The following ATP8A2 variants were observed in gnomAD, a reference collection of about 807,000 sequenced individuals.
ATP8A2 encodes phospholipid-transporting ATPase IB.
A neutral mutation model predicts 165.6 loss-of-function variants in ATP8A2; 100 were observed. The ratio of observed to expected loss-of-function variants is 0.60; its 90% CI spans 0.51 to 0.71. ATP8A2 has a LOEUF of 0.71. ATP8A2 is among the 30% of genes least tolerant of loss of function. ATP8A2 has a pLI of 0.00. For synonymous variants in ATP8A2, 543 were observed against 548.8 expected (o/e 0.99, Z 0.15); for missense variants, 1,227 against 1,479.5 (o/e 0.83, Z 2.80).
chr13:25,510,511 C>T (rs1324658049), intron 2 of ATP8A2, among the ~76,000 whole-genome samples: 3 of 152,202 alleles, frequency 2.0e-5, no homozygotes, highest in African/African-American at 7.2e-5. Flanking sequence ...GGTAAAGACT[C>T]CTGTGCTGAA....
intron 25 of ATP8A2, among the ~76,000 whole-genome samples, chr13:25,763,710 G>A (rs1362371106): frequency 6.6e-6 from 1 of 152,172 alleles, no homozygotes; most frequent in Non-Finnish European, 1.5e-5. Flanking sequence ...TCTGGGCCAT[G>A]AGATTAAGTT....
intron 1 of ATP8A2, among the ~76,000 whole-genome samples, chr13:25,424,234 A>G (rs74042953): frequency 0.013 from 1,992 of 152,298 alleles, 47 homozygotes; most frequent in African/African-American, 0.045. Context: ...TGTTATAAAT[A>G]TGTGTTGACC....
Position 25,577,066 on chromosome 13 carries a change from C to T in ATP8A2, c.1713-3C>T, listed in dbSNP as rs144075195. On this transcript the variant is annotated splice_region_variant and splice_polypyrimidine_tract_variant and intron_variant, in intron 19 of 36. Coordinates refer to ENST00000381655, the MANE Select transcript of ATP8A2 (RefSeq NM_016529.6). The stretch of plus-strand genomic sequence containing the variant: ...GATGACTTTTTTTTTTTCACTCTCC[C>T]AGTGACAGAAAAAGAATGTCTGTAA... 2.7e-4 allele frequency: 428 copies of T among 1,612,692 alleles called. 1 individual carries two copies. The African/African-American group carries it at 5.5e-3, about 21-fold the overall frequency.
At chr13:25,399,923 T>C (rs1262358765) in intron 1 of ATP8A2, among the ~76,000 whole-genome samples, 3 of 8,698 alleles carry the variant, frequency 3.4e-4, no homozygotes, top group Non-Finnish European at 1.1e-3. Context: ...TTTTTCTTCT[T>C]CCTTTTCTCC....
chr13:25,700,950 T>C (rs1042911785), intron 25 of ATP8A2, among the ~76,000 whole-genome samples: 31 of 152,218 alleles, frequency 2.0e-4, no homozygotes, highest in African/African-American at 7.2e-5. Context: ...TGATTAATGA[T>C]GTTGATCGTT....
At chr13:25,954,665 A>G (rs1160067492) in intron 33 of ATP8A2, among the ~76,000 whole-genome samples, 1 of 152,218 alleles carries the variant, frequency 6.6e-6, no homozygotes, top group African/African-American at 2.4e-5. Context: ...GGAGGAAGGA[A>G]CAGGCAGCAA....
At chr13:25,442,765 T>G (rs1252221479) in intron 1 of ATP8A2, among the ~76,000 whole-genome samples, 2 of 152,242 alleles carry the variant, frequency 1.3e-5, no homozygotes, top group East Asian at 1.9e-4. Context: ...CATCTTTTCA[T>G]GTGCTTTTTG....
intron 27 of ATP8A2, among the ~76,000 whole-genome samples, chr13:25,787,837 AT>A (rs1193864919): frequency 6.6e-6 from 1 of 152,250 alleles, no homozygotes; most frequent in Non-Finnish European, 1.5e-5. Context: ...TCCAGGGACT[AT>A]ATCATAGTTT....
In ATP8A2 at chr13:25,935,364, A is replaced by G. The variant is rs1411928488; in HGVS notation, c.3184-26211A>G. Among the ~76,000 whole-genome samples the G allele has an allele frequency of 3.3e-5, 5 of 152,300 alleles. No individual in the cohort carries two copies. In the East Asian group the frequency reaches 5.8e-4, roughly 18 times the overall value. ...GTTTAGTCAACTTCCCCTGCTGGGCAGTTGATTAGATAGAAGGAGAAGTGG... is the reference window on the plus strand; with the variant it reads ...GTTTAGTCAACTTCCCCTGCTGGGCGGTTGATTAGATAGAAGGAGAAGTGG... On this transcript the variant is annotated intron_variant, in intron 33 of 36. Coordinates refer to ENST00000381655, the MANE Select transcript of ATP8A2 (RefSeq NM_016529.6).
intron 34 of ATP8A2, among the ~76,000 whole-genome samples, chr13:25,963,154 G>T (rs1440667779): frequency 2.0e-5 from 3 of 152,044 alleles, no homozygotes; most frequent in Non-Finnish European, 4.4e-5. Context: ...TCAACACTTT[G>T]GGAGGCCGAG....
intron 30 of ATP8A2, among the ~76,000 whole-genome samples, chr13:25,841,095 C>T (rs1490500910): frequency 3.9e-5 from 6 of 152,134 alleles, no homozygotes; most frequent in Non-Finnish European, 8.8e-5. Flanking sequence ...GTTTTCTAAT[C>T]CTGGAATTAT....
chr13:25,930,437 A>C (rs572401939), intron 33 of ATP8A2, among the ~76,000 whole-genome samples: 1 of 139,192 alleles, frequency 7.2e-6, no homozygotes, highest in Non-Finnish European at 1.5e-5. Context: ...TGTGTGGGCT[A>C]TTGCCTCTGT....
intron 1 of ATP8A2, among the ~76,000 whole-genome samples, chr13:25,375,232 G>A (rs74742825): frequency 0.022 from 3,391 of 152,252 alleles, 68 homozygotes; most frequent in South Asian, 0.1. Flanking sequence ...CTATGTGCCC[G>A]GCATGGTTCT....
rs572454953 is a variant in ATP8A2 at position 25,536,202 on chromosome 13, C to T, written c.508-1786C>T. Among the ~76,000 whole-genome samples, 3 of 152,228 alleles carry T rather than the reference C, an allele frequency of 2.0e-5. No homozygotes were observed. In the East Asian group the frequency reaches 5.8e-4, roughly 29 times the overall value. ...TCTTGGCTCACTGCAACCTCTGCCT[C>T]CTGGGTTCAAGCGATTCTCCTGCCT... On this transcript the variant is annotated intron_variant, in intron 6 of 36. Transcript: ENST00000381655.
intron 24 of ATP8A2, among the ~76,000 whole-genome samples, chr13:25,592,135 T>C (rs969187107): frequency 1.3e-5 from 2 of 152,150 alleles, no homozygotes; most frequent in African/African-American, 2.4e-5. Flanking sequence ...CATCTTTACA[T>C]GTGCCTTTTG....
At chr13:25,810,069 T>C (rs1950827906) in intron 27 of ATP8A2, among the ~76,000 whole-genome samples, 1 of 152,196 alleles carries the variant, frequency 6.6e-6, no homozygotes, top group South Asian at 2.1e-4. Flanking sequence ...TGTTTTTCCA[T>C]TGGATTTTGA....
At chr13:25,697,250 C>T (rs1261976747) in intron 24 of ATP8A2, among the ~76,000 whole-genome samples, 1 of 151,114 alleles carries the variant, frequency 6.6e-6, no homozygotes, top group African/African-American at 2.4e-5. Context: ...GTGTATTTTC[C>T]TTGATAGGGA....
chr13:25,823,023 T>TTA (rs1331256061), intron 27 of ATP8A2, among the ~76,000 whole-genome samples: 10 of 152,228 alleles, frequency 6.6e-5, no homozygotes, highest in African/African-American at 2.4e-4. Flanking sequence ...GTTGACATAA[T>TTA]TGCTGATATT....
intron 24 of ATP8A2, among the ~76,000 whole-genome samples, chr13:25,615,365 C>T (rs915655754): frequency 4.6e-5 from 7 of 152,056 alleles, no homozygotes; most frequent in Non-Finnish European, 1.0e-4. Flanking sequence ...CCATGAAGCC[C>T]GAAAGGCTGG....
Sources: gnomAD v4.1 joint callset for allele counts (sites outside exome capture counted in the v4.1 genomes callset) on GRCh38, gnomAD v4.1.1 for gene constraint, MANE v1.5 for transcripts, NCBI Gene and HGNC (gene_info 2026-07-23, HGNC 2026-07-21) for gene names.